The following ABTB3 variants were observed in gnomAD, a reference collection of about 807,000 sequenced individuals.
ABTB3 encodes the protein ankyrin repeat- and BTB/POZ domain-containing protein 3.
the ABTB3 span, among the ~76,000 whole-genome samples, chr12:107,578,380 C>CTTTT: frequency 8.6e-5 from 4 of 46,596 alleles, no homozygotes; most frequent in African/African-American, 3.2e-4. Flanking sequence ...TTTCTTTCTT[C>CTTTT]TTCTTTTTTT....
the ABTB3 span, among the ~76,000 whole-genome samples, chr12:107,329,601 G>A: frequency 1.3e-5 from 2 of 152,238 alleles, no homozygotes; most frequent in South Asian, 4.1e-4. Flanking sequence ...TCAGTAAACA[G>A]ACTTCTGGAG....
the ABTB3 span, among the ~76,000 whole-genome samples, chr12:107,562,047 A>G: frequency 6.6e-6 from 1 of 152,202 alleles, no homozygotes; most frequent in Admixed American, 6.5e-5. Flanking sequence ...TGCTTTTCAC[A>G]TTAGACCTTG....
the ABTB3 span, among the ~76,000 whole-genome samples, chr12:107,542,986 A>G: frequency 3.3e-5 from 5 of 152,304 alleles, no homozygotes; most frequent in African/African-American, 9.6e-5. Flanking sequence ...GGATCCAAGT[A>G]GTTCCAGCCT....
chr12:107,479,162 T>A, the ABTB3 span, among the ~76,000 whole-genome samples: 1 of 152,114 alleles, frequency 6.6e-6, no homozygotes, highest in Non-Finnish European at 1.5e-5. Flanking sequence ...TTCAGGTGGT[T>A]GTAGGCAGAG....
chr12:107,544,089 A>G, the ABTB3 span: 2 of 1,614,084 alleles, frequency 1.2e-6, no homozygotes. Flanking sequence ...CACAAATGGA[A>G]TGGGAAAACC....
the ABTB3 span, among the ~76,000 whole-genome samples, chr12:107,355,439 C>A: frequency 6.6e-6 from 1 of 152,168 alleles, no homozygotes; most frequent in Non-Finnish European, 1.5e-5. Context: ...CATCAGGGAG[C>A]CCCAGAAGCT....
the ABTB3 span, among the ~76,000 whole-genome samples, chr12:107,516,711 C>G: frequency 6.6e-6 from 1 of 152,188 alleles, no homozygotes. Flanking sequence ...AAAGGCCCAC[C>G]TTACAAAGGT....
At chr12:107,584,333 C>A in the ABTB3 span, among the ~76,000 whole-genome samples, 1 of 152,338 alleles carries the variant, frequency 6.6e-6, no homozygotes, top group Non-Finnish European at 1.5e-5. Context: ...TTTATTATCC[C>A]ATTTTACAGA....
chr12:107,581,322 C>CG, the ABTB3 span: 9 of 1,289,040 alleles, frequency 7.0e-6, no homozygotes, highest in African/African-American at 1.3e-4. Context: ...CGGGGGCGGG[C>CG]GGGGGGCGGC....
chr12:107,406,139 C>T, the ABTB3 span, among the ~76,000 whole-genome samples: 12 of 152,302 alleles, frequency 7.9e-5, no homozygotes, highest in South Asian at 2.1e-4. Context: ...GCTGGGCACA[C>T]GGTTGTGATA....
the ABTB3 span, among the ~76,000 whole-genome samples, chr12:107,437,647 C>G: frequency 6.6e-6 from 1 of 152,150 alleles, no homozygotes; most frequent in Non-Finnish European, 1.5e-5. Flanking sequence ...GGTGCTCCAC[C>G]TGCCTTAGCC....
At chr12:107,505,894 G>T in the ABTB3 span, among the ~76,000 whole-genome samples, 1 of 152,234 alleles carries the variant, frequency 6.6e-6, no homozygotes, top group African/African-American at 2.4e-5. Flanking sequence ...AGTATTCCAT[G>T]GTGCATATAT....
the ABTB3 span, among the ~76,000 whole-genome samples, chr12:107,448,739 CA>C: frequency 6.6e-6 from 1 of 151,922 alleles, no homozygotes; most frequent in African/African-American, 2.4e-5. Context: ...CACCCAGGTT[CA>C]AGCAATTCTC....
the ABTB3 span, among the ~76,000 whole-genome samples, chr12:107,335,826 C>T: frequency 6.6e-6 from 1 of 150,480 alleles, no homozygotes; most frequent in Non-Finnish European, 1.5e-5. Flanking sequence ...GCGCTTGGAA[C>T]CTTTGCAGCT....
At chr12:107,635,263 ACCT>A in the ABTB3 span, 6 of 1,608,498 alleles carry the variant, frequency 3.7e-6, no homozygotes, top group African/African-American at 4.0e-5. Flanking sequence ...CTGTATCATG[ACCT>A]CCTCTTTCTT....
the ABTB3 span, among the ~76,000 whole-genome samples, chr12:107,322,808 A>G: frequency 1.2e-4 from 18 of 152,226 alleles, no homozygotes; most frequent in Non-Finnish European, 2.2e-4. Context: ...CCGTACTCTT[A>G]ACTCCTGTCT....
At chr12:107,368,788 T>C in the ABTB3 span, among the ~76,000 whole-genome samples, 2 of 152,230 alleles carry the variant, frequency 1.3e-5, no homozygotes, top group South Asian at 2.1e-4. Flanking sequence ...GTAAATCTGT[T>C]GAGTATAATG....
chr12:107,484,855 C>G, the ABTB3 span, among the ~76,000 whole-genome samples: 6 of 152,134 alleles, frequency 3.9e-5, no homozygotes, highest in Non-Finnish European at 7.3e-5. Flanking sequence ...TAAAGGCTGA[C>G]TTCAGGGTTT....
the ABTB3 span, among the ~76,000 whole-genome samples, chr12:107,415,039 ACTACACTC>A: frequency 6.6e-6 from 1 of 151,960 alleles, no homozygotes; most frequent in Non-Finnish European, 1.5e-5. Flanking sequence ...TCCCACGCAG[ACTACACTC>A]CCACCTCACA....
Sources: allele counts gnomAD v4.1 joint callset (sites outside exome capture counted in the v4.1 genomes callset), GRCh38; gene constraint gnomAD v4.1.1; transcripts MANE v1.5; gene names NCBI Gene and HGNC (gene_info 2026-07-23, HGNC 2026-07-21).